The following DOCK5 variants were observed in gnomAD, a reference collection of about 807,000 sequenced individuals.
DOCK5 encodes dedicator of cytokinesis protein 5.
In DOCK5, 142 loss-of-function variants were observed where a neutral mutation model predicts 251.8. That is an observed-to-expected ratio of 0.56 (90% confidence interval 0.49 to 0.65). The LOEUF (loss-of-function observed/expected upper bound fraction) is 0.65, where lower values mean the gene tolerates loss of function less well. DOCK5 is among the 30% of genes least tolerant of loss of function. The pLI is 0.00. For synonymous variants in DOCK5, 842 were observed against 835.5 expected (o/e 1.01, Z -0.13); for missense variants, 2,111 against 2,312.3 (o/e 0.91, Z 1.79).
At chr8:25,239,114 C>A (rs1359711716) in intron 1 of DOCK5, among the ~76,000 whole-genome samples, 1 of 152,060 alleles carries the variant, frequency 6.6e-6, no homozygotes, top group East Asian at 1.9e-4. Context: ...TCAAGACAGG[C>A]CCTTGTTCTA....
chr8:25,400,759 T>C (rs1801425169), intron 46 of DOCK5, among the ~76,000 whole-genome samples, 170 bp from the exon 47 acceptor site: 1 of 152,170 alleles, frequency 6.6e-6, no homozygotes. Flanking sequence ...CCCACATCAT[T>C]GACCAAAGTC....
chr8:25,255,683 G>T (rs1395249164), intron 2 of DOCK5, among the ~76,000 whole-genome samples: 2 of 152,174 alleles, frequency 1.3e-5, no homozygotes, highest in Non-Finnish European at 2.9e-5. Flanking sequence ...TGGACTTTGG[G>T]TGATAATGAT....
intron 13 of DOCK5, among the ~76,000 whole-genome samples, chr8:25,313,887 G>A (rs190107581): frequency 7.0e-4 from 106 of 152,224 alleles, no homozygotes; most frequent in East Asian, 2.9e-3. Flanking sequence ...CATATTCTGC[G>A]TTACTAGGGG....
At chr8:25,395,930 G>T (rs1372651366) in intron 45 of DOCK5, 1 of 672,986 alleles carries the variant, frequency 1.5e-6, no homozygotes, top group Admixed American at 2.4e-5. Flanking sequence ...ACCTAGTAAA[G>T]CGTCACAGAA....
chr8:25,382,852 C>T, intron 40 of DOCK5, 74 bp downstream of exon 40: 1 of 1,280,124 alleles, frequency 7.8e-7, no homozygotes, highest in East Asian at 2.4e-5. Flanking sequence ...AGATGGGCAA[C>T]AGGGTGTTAG....
At chr8:25,267,229 T>C (rs1803780293) in intron 2 of DOCK5, among the ~76,000 whole-genome samples, 1 of 152,154 alleles carries the variant, frequency 6.6e-6, no homozygotes, top group African/African-American at 2.4e-5. Flanking sequence ...GCATCCTAAA[T>C]CGGGGGAAGT....
At chr8:25,361,546 G>A (rs1342231097) in intron 28 of DOCK5, among the ~76,000 whole-genome samples, 10 of 152,176 alleles carry the variant, frequency 6.6e-5, no homozygotes, top group African/African-American at 1.9e-4. Flanking sequence ...CCCGTGAGGT[G>A]GAGGTTGCAG....
intron 30 of DOCK5, among the ~76,000 whole-genome samples, chr8:25,366,157 A>G (rs1800770183): frequency 6.6e-6 from 1 of 152,200 alleles, no homozygotes; most frequent in South Asian, 2.1e-4. Flanking sequence ...ATTATATTAA[A>G]TAACACTGTG....
chr8:25,337,263 CT>C (rs981566175), intron 22 of DOCK5, among the ~76,000 whole-genome samples: 1 of 152,100 alleles, frequency 6.6e-6, no homozygotes, highest in African/African-American at 2.4e-5. Flanking sequence ...CACACACCAT[CT>C]TTTACCTATA....
chr8:25,320,870 C>T, intron 15 of DOCK5, 110 bp from the exon 16 acceptor site: 1 of 879,854 alleles, frequency 1.1e-6, no homozygotes, highest in African/African-American at 1.7e-5. Flanking sequence ...ATCTCACTCT[C>T]TAGTAATTTG....
chr8:25,244,602 A>G lies in DOCK5; in HGVS notation c.127+845A>G, dbSNP rs139533395. Among the ~76,000 whole-genome samples the G allele has an allele frequency of 5.3e-3, 814 of 152,344 alleles. 4 individuals are homozygous for G. Among genetic ancestry groups the G allele is most frequent in the Admixed American group, 0.013 (201 of 15,308 alleles). On this transcript the variant is annotated intron_variant, in intron 2 of 51. Coordinates refer to ENST00000276440, the MANE Select transcript of DOCK5 (RefSeq NM_024940.8). Reference sequence around the variant, plus strand: ...CGTGCATTTTCCGGGTCTAGCCCCCATGTAAACCCTTGTGATGGTGAAACG... The same window carrying G: ...CGTGCATTTTCCGGGTCTAGCCCCCGTGTAAACCCTTGTGATGGTGAAACG...
chr8:25,215,320 T>C (rs974203229), intron 1 of DOCK5, among the ~76,000 whole-genome samples: 2 of 152,078 alleles, frequency 1.3e-5, no homozygotes, highest in Admixed American at 1.3e-4. Flanking sequence ...AGGCAGTGTC[T>C]CTGGGTGAGG....
intron 1 of DOCK5, among the ~76,000 whole-genome samples, chr8:25,238,186 C>G (rs1263783478): frequency 6.6e-6 from 1 of 152,154 alleles, no homozygotes; most frequent in Non-Finnish European, 1.5e-5. Context: ...AGGCTCTTCT[C>G]TTTGTTTCTG....
intron 45 of DOCK5, 65 bp downstream of exon 45, chr8:25,395,784 G>A: frequency 6.5e-7 from 1 of 1,530,432 alleles, no homozygotes; most frequent in African/African-American, 1.4e-5. Context: ...CTCCCTCTGT[G>A]CCATTTGCCA....
At chr8:25,197,291 T>C (rs1175379442) in intron 1 of DOCK5, among the ~76,000 whole-genome samples, 1 of 152,206 alleles carries the variant, frequency 6.6e-6, no homozygotes, top group Non-Finnish European at 1.5e-5. Flanking sequence ...TTTTTCCAAG[T>C]AATGTTTGGG....
Position 25,345,575 on chromosome 8 carries a change from G to A in DOCK5, c.2718G>A (p.Leu906=), listed in dbSNP as rs541237976. Residue 906 remains leucine (L), a synonymous_variant, in exon 26 of 52, where the codon CTG becomes CTA. Coordinates refer to ENST00000276440, the MANE Select transcript of DOCK5 (RefSeq NM_024940.8). The stretch of plus-strand genomic sequence containing the variant: ...ACCACGAGGCAAGCTCGCAGCTTCT[G>A]AGCAACATCCTGGAGGTGCTGGACA... The part of the protein sequence containing the change: ...KPDHEASSQL[L]SNILEVLDRK... 7.4e-6 allele frequency: 12 copies of A among 1,613,880 alleles called. 1 individual carries two copies. The Admixed American group carries it at 1.8e-4, about 25-fold the overall frequency.
intron 26 of DOCK5, among the ~76,000 whole-genome samples, chr8:25,346,454 C>T (rs1376980847): frequency 5.3e-5 from 8 of 152,140 alleles, no homozygotes; most frequent in Non-Finnish European, 1.0e-4. Context: ...GACACTGATA[C>T]TTTCTCTGGA....
At chr8:25,395,263 G>C (rs1456737589) in intron 44 of DOCK5, among the ~76,000 whole-genome samples, 1 of 152,148 alleles carries the variant, frequency 6.6e-6, no homozygotes, top group African/African-American at 2.4e-5. Flanking sequence ...AGCTCAGGTT[G>C]TAATGCGAGC....
intron 18 of DOCK5, 115 bp from the exon 19 acceptor site, chr8:25,332,136 C>A (rs1171357640): frequency 1.4e-5 from 9 of 630,926 alleles, no homozygotes; most frequent in Non-Finnish European, 2.4e-5. Context: ...TATAAGGCAT[C>A]TTGAATTAGC....
Sources: allele counts gnomAD v4.1 joint callset (sites outside exome capture counted in the v4.1 genomes callset), GRCh38; gene constraint gnomAD v4.1.1; transcripts MANE v1.5; gene names NCBI Gene and HGNC (gene_info 2026-07-23, HGNC 2026-07-21).